Variants in PCDH9 observed in about 807,000 individuals in gnomAD.
PCDH9 encodes protocadherin-9.
Under a neutral mutation model 70.6 loss-of-function variants are expected in PCDH9, and 24 were observed. The observed-to-expected ratio is 0.34, with a 90% CI of 0.25 to 0.48. PCDH9 has a LOEUF of 0.48. Among genes scored for constraint, PCDH9 ranks in the 20% least tolerant of loss-of-function variants. The pLI is 0.99. For synonymous variants in PCDH9, 562 were observed against 558.5 expected (o/e 1.01, Z -0.09); for missense variants, 1,281 against 1,503.6 (o/e 0.85, Z 2.45).
chr13:67,021,692 T>C (rs2139861685), intron 2 of PCDH9, among the ~76,000 whole-genome samples: 1 of 152,080 alleles, frequency 6.6e-6, no homozygotes, highest in Non-Finnish European at 1.5e-5. Context: ...CCCGAGTAGC[T>C]GGAATTACAG....
chr13:67,209,739 T>C (rs2089430915), intron 2 of PCDH9: 1 of 152,164 alleles, frequency 6.6e-6, no homozygotes. Context: ...AAAACCGTTT[T>C]ATTTTATTTC....
At chr13:66,548,489 C>T (rs1032430602) in intron 4 of PCDH9, among the ~76,000 whole-genome samples, 1 of 151,934 alleles carries the variant, frequency 6.6e-6, no homozygotes, top group Admixed American at 6.6e-5. Context: ...CGCTTGAACC[C>T]AGGAGGTGGA....
In PCDH9 at chr13:67,225,801, A is replaced by G; in HGVS notation, c.2640T>C (p.Ser880=). The change falls in exon 2 of 5, where the codon TCT becomes TCC. Residue 880 remains serine (S), a synonymous_variant. Coordinates refer to ENST00000377865, the MANE Select transcript of PCDH9 (RefSeq NM_203487.3). ...CTTCGATAGTAACAAAGTTCAAAAGAGAGCTTTTGGGAGACTTCCTTTTCT... is the reference window on the plus strand; with the variant it reads ...CTTCGATAGTAACAAAGTTCAAAAGGGAGCTTTTGGGAGACTTCCTTTTCT... ...KRKKRKSPKS[S]LLNFVTIEES... 1.2e-6 allele frequency: 2 copies of G among 1,614,106 alleles called. No individual in the cohort carries two copies. The highest frequency in any genetic ancestry group is 1.7e-6 in the Non-Finnish European group (2 of 1,179,972).
chr13:67,140,890 A>G (rs2087367552), intron 2 of PCDH9, among the ~76,000 whole-genome samples: 1 of 152,200 alleles, frequency 6.6e-6, no homozygotes, highest in South Asian at 2.1e-4. Flanking sequence ...ACAGTACTTC[A>G]GTGAATATAT....
chr13:66,737,519 C>A (rs1007730949), intron 3 of PCDH9, among the ~76,000 whole-genome samples: 2 of 152,136 alleles, frequency 1.3e-5, no homozygotes, highest in South Asian at 2.1e-4. Context: ...GGAACAGCTC[C>A]GGTCTACAGC....
intron 4 of PCDH9, among the ~76,000 whole-genome samples, chr13:66,498,673 A>C (rs1959154654): frequency 6.6e-6 from 1 of 152,178 alleles, no homozygotes. Flanking sequence ...TAATCAAATA[A>C]ATATCTCCAC....
intron 3 of PCDH9, among the ~76,000 whole-genome samples, chr13:66,817,324 G>A (rs1055962148): frequency 6.6e-6 from 1 of 151,904 alleles, no homozygotes; most frequent in Non-Finnish European, 1.5e-5. Context: ...ATACTGTAAA[G>A]GATACTATTT....
intron 4 of PCDH9, among the ~76,000 whole-genome samples, chr13:66,538,856 G>A (rs1160240101): frequency 6.6e-6 from 1 of 152,060 alleles, no homozygotes; most frequent in African/African-American, 2.4e-5. Context: ...GGGAGTGTAA[G>A]AGTCTAGTCT....
chr13:66,531,416 T>G (rs1960448560), intron 4 of PCDH9, among the ~76,000 whole-genome samples: 2 of 152,258 alleles, frequency 1.3e-5, no homozygotes, highest in Admixed American at 6.5e-5. Flanking sequence ...ATCATTGTTT[T>G]CAATCTGGAG....
chr13:67,046,735 T>C (rs1197215262), intron 2 of PCDH9, among the ~76,000 whole-genome samples: 1 of 152,012 alleles, frequency 6.6e-6, no homozygotes, highest in Non-Finnish European at 1.5e-5. Flanking sequence ...TGCCATAATA[T>C]ATTTTAACAA....
intron 4 of PCDH9, among the ~76,000 whole-genome samples, chr13:66,336,627 A>G (rs1382052107): frequency 6.6e-6 from 1 of 152,120 alleles, no homozygotes; most frequent in African/African-American, 2.4e-5. Flanking sequence ...TATGAAGAGG[A>G]CAATAAATGA....
intron 3 of PCDH9, among the ~76,000 whole-genome samples, chr13:66,898,661 T>TAC (rs2082225087): frequency 6.6e-6 from 1 of 152,056 alleles, no homozygotes. Context: ...ATAATATTCA[T>TAC]ACACTAAATC....
At chr13:67,095,172 T>C (rs896249837) in intron 2 of PCDH9, among the ~76,000 whole-genome samples, 6 of 152,268 alleles carry the variant, frequency 3.9e-5, no homozygotes, top group South Asian at 2.1e-4. Context: ...TTGTGTGTTA[T>C]TCAACCGACT....
At chr13:66,395,167 G>T (rs569040192) in intron 4 of PCDH9, among the ~76,000 whole-genome samples, 1 of 152,214 alleles carries the variant, frequency 6.6e-6, no homozygotes, top group African/African-American at 2.4e-5. Context: ...TTAGTAATGG[G>T]CCTTAAATGA....
chr13:66,984,911 C>A (rs1048918883), intron 2 of PCDH9, among the ~76,000 whole-genome samples: 1 of 151,700 alleles, frequency 6.6e-6, no homozygotes, highest in African/African-American at 2.4e-5. Flanking sequence ...ATGTGTGGAC[C>A]CCCCATCTCA....
chr13:66,631,815 CAG>C (rs1332805435), intron 3 of PCDH9, among the ~76,000 whole-genome samples: 2 of 152,012 alleles, frequency 1.3e-5, no homozygotes, highest in Non-Finnish European at 2.9e-5. Context: ...TTTGAATGAC[CAG>C]ACATTGTGCT....
At chr13:66,875,655 C>T (rs989547724) in intron 3 of PCDH9, among the ~76,000 whole-genome samples, 4 of 152,120 alleles carry the variant, frequency 2.6e-5, no homozygotes, top group Admixed American at 6.6e-5. Flanking sequence ...ATAAGAATCA[C>T]GTTTTACCCT....
At chr13:67,026,537 C>T (rs2084785471) in intron 2 of PCDH9, among the ~76,000 whole-genome samples, 1 of 152,044 alleles carries the variant, frequency 6.6e-6, no homozygotes. Context: ...CACTCCTATT[C>T]AACATAGTGT....
intron 2 of PCDH9, among the ~76,000 whole-genome samples, chr13:66,986,695 G>A (rs892306025): frequency 5.3e-5 from 8 of 151,866 alleles, no homozygotes; most frequent in Non-Finnish European, 1.0e-4. Context: ...AGATTTTAGG[G>A]TACTAAAACC....
Sources: allele counts gnomAD v4.1 joint callset (sites outside exome capture counted in the v4.1 genomes callset), GRCh38; gene constraint gnomAD v4.1.1; transcripts MANE v1.5; gene names NCBI Gene and HGNC (gene_info 2026-07-23, HGNC 2026-07-21).